POLN: variants seen among roughly 807,000 people sequenced by gnomAD.
The protein encoded by POLN is DNA polymerase N.
In POLN, 108 loss-of-function variants were observed where a neutral mutation model predicts 113.5. The observed-to-expected ratio is 0.95, with a 90% CI of 0.81 to 1.12. POLN has a LOEUF of 1.12. POLN is among the 50% of genes most tolerant of loss of function. The probability of loss-of-function intolerance (pLI) is 0.00; values close to 1 mark genes in which losing one functional copy is unlikely to be tolerated. For synonymous variants in POLN, 386 were observed against 391.5 expected (o/e 0.99, Z 0.17); for missense variants, 1,097 against 1,077.1 (o/e 1.02, Z -0.26).
Position 2,241,733 on chromosome 4 carries a change from A to T in POLN, c.-226T>A. ...CGGCCCCAAGGCCGCGATACACCAG[A>T]CGCGCCAGCGGCAAAACCTTCCTTC... On this transcript the variant is annotated 5_prime_UTR_variant, in exon 2 of 26. Coordinates refer to ENST00000511885, the MANE Select transcript of POLN (RefSeq NM_181808.4). 2.0e-6 allele frequency: 2 copies of T among 985,468 alleles called. No individual in the cohort carries two copies. Among genetic ancestry groups the T allele is most frequent in the South Asian group, 9.4e-5 (2 of 21,294 alleles). 61.0% of individuals were successfully genotyped at this position (985,468 alleles called of 1,614,324 possible). A position where few individuals can be genotyped will look rare whatever the true frequency, so the allele number is the denominator to read the frequency against.
intron 21 of POLN, chr4:2,082,791 G>A (rs754107752): frequency 2.0e-5 from 3 of 152,288 alleles, no homozygotes; most frequent in Non-Finnish European, 2.9e-5. Context: ...TCGGTCTAGT[G>A]ACTTTTGGCC....
At chr4:2,088,368 G>A (rs1342120750) in intron 20 of POLN, among the ~76,000 whole-genome samples, 1 of 151,958 alleles carries the variant, frequency 6.6e-6, no homozygotes, top group Non-Finnish European at 1.5e-5. Context: ...TATGAACAAA[G>A]CACAAAAATA....
chr4:2,072,931 G>A (rs1475553156), intron 25 of POLN, 37 bp downstream of exon 25: 5 of 1,607,678 alleles, frequency 3.1e-6, no homozygotes, highest in African/African-American at 1.3e-5. Flanking sequence ...CTCACCCTGG[G>A]CTCCGGAAGA....
chr4:2,102,187 T>C (rs1730943647), intron 19 of POLN, among the ~76,000 whole-genome samples: 1 of 152,098 alleles, frequency 6.6e-6, no homozygotes, highest in Non-Finnish European at 1.5e-5. Context: ...CACTTTCCAC[T>C]GGGGGGCACT....
intron 13 of POLN, among the ~76,000 whole-genome samples, chr4:2,161,019 C>G (rs1362285507): frequency 1.3e-5 from 2 of 152,224 alleles, no homozygotes; most frequent in Admixed American, 1.3e-4. Flanking sequence ...CCCTGTGAGA[C>G]ACACTCTCTC....
intron 18 of POLN, 123 bp downstream of exon 18, chr4:2,129,056 C>CAAAAA (rs542873881): frequency 4.5e-5 from 13 of 288,338 alleles, no homozygotes; most frequent in African/African-American, 3.1e-4. Context: ...ACTCTTGTCT[C>CAAAAA]AAAAAAAAAA....
At chr4:2,205,916 C>G (rs1231264767) in intron 5 of POLN, among the ~76,000 whole-genome samples, 1 of 148,896 alleles carries the variant, frequency 6.7e-6, no homozygotes, top group Non-Finnish European at 1.5e-5. Flanking sequence ...TATGGAGCAA[C>G]AACAACAAAA....
At chr4:2,241,327 C>A (rs1734978556) in intron 2 of POLN, among the ~76,000 whole-genome samples, 193 bp downstream of exon 2, 1 of 152,188 alleles carries the variant, frequency 6.6e-6, no homozygotes, top group South Asian at 2.1e-4. Flanking sequence ...TCCATTTTAT[C>A]TTTTTTTCCA....
intron 2 of POLN, among the ~76,000 whole-genome samples, chr4:2,233,766 GA>G (rs1734662677): frequency 6.6e-6 from 1 of 152,080 alleles, no homozygotes; most frequent in Non-Finnish European, 1.5e-5. Context: ...TTCTTAATAA[GA>G]AAACATTGTG....
At chr4:2,105,043 G>A (rs1301957165) in intron 19 of POLN, among the ~76,000 whole-genome samples, 2 of 152,134 alleles carry the variant, frequency 1.3e-5, no homozygotes. Context: ...TCCCAACTGA[G>A]CCCCAGTCTC....
chr4:2,239,982 T>C (rs1734911554), intron 2 of POLN: 1 of 1,328,514 alleles, frequency 7.5e-7, no homozygotes. Flanking sequence ...CAATATTATC[T>C]CCTCTATTCC....
intron 3 of POLN, among the ~76,000 whole-genome samples, chr4:2,222,560 G>A (rs1367068122): frequency 1.3e-5 from 2 of 152,058 alleles, no homozygotes; most frequent in Non-Finnish European, 2.9e-5. Flanking sequence ...CACACCACCA[G>A]GGCTGAAAAT....
At chr4:2,231,732 C>T in intron 2 of POLN, 1 of 435,596 alleles carries the variant, frequency 2.3e-6, no homozygotes, top group Non-Finnish European at 4.1e-6. Context: ...CCACTAAACA[C>T]ATGCTCAAGT....
intron 2 of POLN, chr4:2,240,240 T>A: frequency 1.2e-6 from 2 of 1,613,642 alleles, no homozygotes; most frequent in Non-Finnish European, 1.7e-6. Flanking sequence ...TTGAAAATTG[T>A]CTTCATTTGA....
At chr4:2,111,860 T>C (rs1731201762) in intron 19 of POLN, among the ~76,000 whole-genome samples, 2 of 152,202 alleles carry the variant, frequency 1.3e-5, no homozygotes, top group African/African-American at 4.8e-5. Flanking sequence ...AAGCTACCAA[T>C]GACTTTCTTC....
chr4:2,129,088 A>T, intron 18 of POLN, 91 bp downstream of exon 18: 1 of 832,996 alleles, frequency 1.2e-6, no homozygotes, highest in Non-Finnish European at 1.9e-6. Context: ...AATTTATTTG[A>T]AAGAATGAAT....
chr4:2,153,807 A>G (rs1353393140), intron 16 of POLN, among the ~76,000 whole-genome samples: 3 of 151,676 alleles, frequency 2.0e-5, no homozygotes, highest in African/African-American at 7.3e-5. Context: ...AATGTTCTCG[A>G]TCTCCTGACC....
In POLN at chr4:2,095,895, C is replaced by CT; in HGVS notation, c.2020dup (p.Arg674LysfsTer79). 1 of 1,614,194 alleles carries CT rather than the reference C, an allele frequency of 6.2e-7. No individual in the cohort carries two copies. Among genetic ancestry groups the CT allele is most frequent in the Non-Finnish European group, 8.5e-7 (1 of 1,180,036 alleles). On this transcript the variant is annotated frameshift_variant, in exon 20 of 26. Coordinates refer to ENST00000511885, the MANE Select transcript of POLN (RefSeq NM_181808.4). LOFTEE classifies it high-confidence loss of function. ...GTACACCACCTTCTTGGTTTGCTCT[C>CT]TGTCTGCGTGTGTCACCTGTTCCAC...
chr4:2,081,376 G>C (rs963256373), intron 22 of POLN: 5 of 629,426 alleles, frequency 7.9e-6, no homozygotes, highest in South Asian at 1.9e-5. Context: ...CCACCACAGA[G>C]ATATGGGGAA....
Sources: allele counts gnomAD v4.1 joint callset (sites outside exome capture counted in the v4.1 genomes callset), GRCh38; gene constraint gnomAD v4.1.1; transcripts MANE v1.5; gene names NCBI Gene and HGNC (gene_info 2026-07-23, HGNC 2026-07-21).